The following RAP1GAP2 variants were observed in gnomAD, a reference collection of about 807,000 sequenced individuals.
RAP1GAP2 encodes the protein RAP1 GTPase activating protein 2, also known as rap1 GTPase-activating protein 2.
RAP1GAP2 carries 27 observed loss-of-function variants against 95.0 expected under a neutral mutation model. The observed-to-expected ratio is 0.28, with a 90% CI of 0.21 to 0.39. The LOEUF (loss-of-function observed/expected upper bound fraction) is 0.39. Ranked by LOEUF, RAP1GAP2 falls within the 10% of genes least tolerant of loss-of-function variation. The pLI is 1.00. For missense variants in RAP1GAP2, 771 were observed against 970.0 expected, an observed-to-expected ratio of 0.79 and a Z score of 2.72; for synonymous variants, 373 against 380.9, an observed-to-expected ratio of 0.98 and a Z score of 0.24.
intron 3 of RAP1GAP2, among the ~76,000 whole-genome samples, chr17:2,927,292 T>G (rs537423589): frequency 6.6e-6 from 1 of 151,974 alleles, no homozygotes; most frequent in East Asian, 2.0e-4. Flanking sequence ...TAGCTGGGAC[T>G]ACAGGCACCC....
In RAP1GAP2 at chr17:2,956,867, G is replaced by A. The variant is rs553320891; in HGVS notation, c.166-892G>A. ...ATCTAGGCTGGGCGTGGTAGCTCAC[G>A]CCTGTAATCCCAGCACTTTGGGAGG... On this transcript the variant is annotated intron_variant, in intron 3 of 24. Coordinates refer to ENST00000254695, the MANE Select transcript of RAP1GAP2 (RefSeq NM_015085.5). Among the ~76,000 whole-genome samples, 24 of 152,280 alleles carry A rather than the reference G, an allele frequency of 1.6e-4. No individual in the cohort carries two copies. The East Asian group carries it at 3.7e-3, about 23-fold the overall frequency.
chr17:2,986,148 A>G (rs1466758808), intron 11 of RAP1GAP2, among the ~76,000 whole-genome samples: 1 of 152,194 alleles, frequency 6.6e-6, no homozygotes, highest in East Asian at 1.9e-4. Context: ...GCATGATGGT[A>G]TCTTTCTTGG....
At chr17:2,985,147 G>T in intron 11 of RAP1GAP2, 81 bp downstream of exon 11, 6 of 1,593,534 alleles carry the variant, frequency 3.8e-6, no homozygotes, top group Non-Finnish European at 4.3e-6. Flanking sequence ...CAGAACACAG[G>T]AGTCCTGACC....
chr17:2,858,591 A>C (rs1016022931), intron 2 of RAP1GAP2, among the ~76,000 whole-genome samples: 1 of 152,120 alleles, frequency 6.6e-6, no homozygotes, highest in Non-Finnish European at 1.5e-5. Context: ...TCATTCTTAA[A>C]TATTTCAATT....
intron 1 of RAP1GAP2, among the ~76,000 whole-genome samples, chr17:2,761,312 G>A (rs1229279442): frequency 8.5e-6 from 1 of 117,564 alleles, no homozygotes; most frequent in African/African-American, 3.2e-5. Flanking sequence ...TTTTGAGACG[G>A]AGTTTCACTC....
chr17:2,897,016 C>T (rs1404123310), intron 2 of RAP1GAP2, among the ~76,000 whole-genome samples: 3 of 152,304 alleles, frequency 2.0e-5, no homozygotes, highest in South Asian at 4.1e-4. Context: ...CTTCTGTCCC[C>T]TCACTTGAGG....
chr17:2,820,435 A>T (rs571804534), intron 2 of RAP1GAP2, among the ~76,000 whole-genome samples: 1 of 152,198 alleles, frequency 6.6e-6, no homozygotes, highest in South Asian at 2.1e-4. Context: ...AGCCTGGCCA[A>T]CATGGCAAAA....
At chr17:2,987,191 CCTT>C (rs1195164249) in intron 11 of RAP1GAP2, among the ~76,000 whole-genome samples, 1 of 152,120 alleles carries the variant, frequency 6.6e-6, no homozygotes, top group Non-Finnish European at 1.5e-5. Flanking sequence ...TTTGTTGACT[CCTT>C]CTAGAGTGCG....
intron 2 of RAP1GAP2, among the ~76,000 whole-genome samples, chr17:2,850,486 T>C (rs548867978): frequency 6.6e-6 from 1 of 151,194 alleles, no homozygotes; most frequent in South Asian, 2.1e-4. Flanking sequence ...CTGTGGCTCA[T>C]GCCTGTAATC....
chr17:3,018,188 C>T lies in RAP1GAP2; in HGVS notation c.1622C>T (p.Thr541Ile). The T allele has an allele frequency of 6.4e-7, 1 of 1,571,470 alleles. No homozygotes were observed. Among genetic ancestry groups the T allele is most frequent in the Non-Finnish European group, 8.6e-7 (1 of 1,159,100 alleles). Residue 541 changes from threonine (T) to isoleucine (I), a missense_variant, in exon 18 of 25, where the codon ACC (threonine) becomes ATC (isoleucine). Thr to Ile is a moderately conservative substitution (Grantham distance 89). Transcript: ENST00000254695. The stretch of plus-strand genomic sequence containing the variant: ...CACAACAGCATGGAGGTCACCAAGA[C>T]CACCTTCTCGGTGAGTGCTGGCAGG... ...ISHNSMEVTK[T>I]TFSPPVVAAT... is the part of the protein sequence containing the mutation.
At chr17:2,853,904 G>A in intron 2 of RAP1GAP2, 1 of 979,146 alleles carries the variant, frequency 1.0e-6, no homozygotes, top group Non-Finnish European at 1.2e-6. Context: ...CCGGGGGCCG[G>A]GGCGCGGGCT....
intron 2 of RAP1GAP2, among the ~76,000 whole-genome samples, chr17:2,862,555 T>G (rs1000539332): frequency 6.6e-6 from 1 of 152,094 alleles, no homozygotes; most frequent in Non-Finnish European, 1.5e-5. Context: ...AAACTCAGTT[T>G]CTTTGCCTAC....
At position 2,833,683 on chromosome 17, in the gene RAP1GAP2, C is replaced by T. The variant is rs1419394681; in HGVS notation, c.80+33133C>T. 2.2e-5 allele frequency among the ~76,000 whole-genome samples: 3 copies of T among 136,714 alleles called. No homozygotes were observed. The East Asian group carries it at 6.4e-4, about 29-fold the overall frequency. The allele number at this position is 136,714 out of a possible 152,430, so 89.7% of individuals were successfully genotyped here. The stretch of plus-strand genomic sequence containing the variant: ...CCAACCTGGGAGACACAGCGAGACT[C>T]CGTCTCAAAAAAAAAAAAAAAAAAA... On this transcript the variant is annotated intron_variant, in intron 2 of 24. Transcript: ENST00000254695.
intron 2 of RAP1GAP2, among the ~76,000 whole-genome samples, chr17:2,877,387 C>T (rs59207118): frequency 0.042 from 6,364 of 152,292 alleles, 416 homozygotes; most frequent in African/African-American, 0.14. Flanking sequence ...ACAGTCCGTC[C>T]TCCGTAAGGC....
chr17:2,931,640 G>A (rs2043161273), intron 3 of RAP1GAP2, among the ~76,000 whole-genome samples: 1 of 152,214 alleles, frequency 6.6e-6, no homozygotes, highest in Admixed American at 6.5e-5. Context: ...TGTATAATTA[G>A]GCTGTGGGAG....
Position 2,962,940 on chromosome 17 carries a change from G to A in RAP1GAP2, c.246+226G>A, listed in dbSNP as rs989704751. On this transcript the variant is annotated intron_variant, in intron 5 of 24. Transcript: ENST00000254695. ...GACAGCTTCAGAGCAGGCTGGGGGT[G>A]GAGGCCTCGGTGGGACCTCAGGCTT... 2.8e-5 allele frequency: 16 copies of A among 566,052 alleles called. No individual in the cohort carries two copies. In the African/African-American group the frequency reaches 2.9e-4, roughly 10 times the overall value. The allele number at this position is 566,052 out of a possible 1,614,324, so 35.1% of individuals were successfully genotyped here. A position where few individuals can be genotyped will look rare whatever the true frequency, so the allele number is the denominator to read the frequency against.
chr17:2,771,274 AG>A (rs2068387206), intron 2 of RAP1GAP2, among the ~76,000 whole-genome samples: 1 of 151,824 alleles, frequency 6.6e-6, no homozygotes, highest in Middle Eastern at 3.2e-3. Context: ...GAGTCTGGGT[AG>A]GGGGCTGGGA....
At position 2,904,530 on chromosome 17, in the gene RAP1GAP2, C is replaced by CTGTGTGTGTGTGGGTGTGTGTGTG. The variant is rs2042129121; in HGVS notation, c.81-742_81-741insGGTGTGTGTGTGTGTGTGTGTGTG. 7.7e-6 allele frequency among the ~76,000 whole-genome samples: 1 copy of CTGTGTGTGTGTGGGTGTGTGTGTG among 129,082 alleles called. No individual in the cohort carries two copies. The highest frequency in any genetic ancestry group is 1.7e-5 in the Non-Finnish European group (1 of 60,566). The allele number at this position is 129,082 out of a possible 152,430, so 84.7% of individuals were successfully genotyped here. A position where few individuals can be genotyped will look rare whatever the true frequency, so the allele number is the denominator to read the frequency against. On this transcript the variant is annotated intron_variant, in intron 2 of 24. Coordinates refer to ENST00000254695, the MANE Select transcript of RAP1GAP2 (RefSeq NM_015085.5). The surrounding 1 kb of genome is among the most constrained non-coding windows in gnomAD (Gnocchi z 4.7). The stretch of plus-strand genomic sequence containing the variant: ...CCGAGGACAGCTTTTTGACCAGGGC[C>CTGTGTGTGTGTGGGTGTGTGTGTG]TGTGTGTGTGTGTGTGTGTGTGTGT...
upstream of RAP1GAP2, among the ~76,000 whole-genome samples, chr17:2,791,856 T>C (rs906390856): frequency 1.4e-5 from 2 of 147,236 alleles, no homozygotes; most frequent in African/African-American, 5.0e-5. Context: ...CCCTTTTCTC[T>C]CTTTTTTTTT....
Sources: gnomAD v4.1 joint callset for allele counts (sites outside exome capture counted in the v4.1 genomes callset) on GRCh38, gnomAD v4.1.1 for gene constraint, Gnocchi (gnomAD v3.1) non-coding constraint, MANE v1.5 for transcripts, NCBI Gene and HGNC (gene_info 2026-07-23, HGNC 2026-07-21) for gene names.